Variants in LIN28B observed in about 807,000 individuals in gnomAD.
The protein encoded by LIN28B is lin-28 RNA binding posttranscriptional regulator B, also known as protein lin-28 homolog B.
A neutral mutation model predicts 21.9 loss-of-function variants in LIN28B; 5 were observed. The ratio of observed to expected loss-of-function variants is 0.23; its 90% CI spans 0.12 to 0.48. The LOEUF (loss-of-function observed/expected upper bound fraction) is 0.48. LIN28B is among the 20% of genes least tolerant of loss of function. The probability of loss-of-function intolerance (pLI) is 0.98; values close to 1 mark genes in which losing one functional copy is unlikely to be tolerated. For synonymous variants in LIN28B, 109 were observed against 111.3 expected (o/e 0.98, Z 0.13); for missense variants, 245 against 310.5 (o/e 0.79, Z 1.58).
At chr6:104,988,618 C>T (rs1417532198) in intron 2 of LIN28B, among the ~76,000 whole-genome samples, 1 of 144,450 alleles carries the variant, frequency 6.9e-6, no homozygotes, top group East Asian at 2.1e-4. Context: ...GTCACCCAGG[C>T]TGGAGTGCAA....
At chr6:105,020,483 ATTTTTTGTAT>A (rs1771116652) in intron 2 of LIN28B, among the ~76,000 whole-genome samples, 1 of 151,496 alleles carries the variant, frequency 6.6e-6, no homozygotes, top group Admixed American at 6.6e-5. Context: ...TGCCCAGCTA[ATTTTTTGTAT>A]TTTTTTGTAG....
chr6:104,990,572 T>A (rs1032612205), intron 2 of LIN28B, among the ~76,000 whole-genome samples: 51 of 150,102 alleles, frequency 3.4e-4, no homozygotes, highest in Non-Finnish European at 6.1e-4. Context: ...ATTTTTTATT[T>A]TTTTTTTTTT....
intron 2 of LIN28B, among the ~76,000 whole-genome samples, chr6:104,987,446 G>A (rs1237133426): frequency 1.3e-5 from 2 of 152,026 alleles, no homozygotes; most frequent in East Asian, 1.9e-4. Context: ...TGGGCTCAGT[G>A]GGTCCTGCCG....
intron 3 of LIN28B, among the ~76,000 whole-genome samples, chr6:105,060,685 T>C (rs1197348140): frequency 6.6e-6 from 1 of 152,194 alleles, no homozygotes; most frequent in East Asian, 1.9e-4. Flanking sequence ...GCCCAAAATA[T>C]AGTGACTTTT....
intron 3 of LIN28B, among the ~76,000 whole-genome samples, chr6:105,035,825 A>T: frequency 6.6e-6 from 1 of 152,202 alleles, no homozygotes; most frequent in East Asian, 1.9e-4. Flanking sequence ...TTTAAATTTA[A>T]ATTGGGAAAA....
intron 2 of LIN28B, among the ~76,000 whole-genome samples, chr6:105,022,642 C>T (rs969638530): frequency 1.3e-5 from 2 of 151,826 alleles, no homozygotes; most frequent in Non-Finnish European, 2.9e-5. Flanking sequence ...AGTTTTTGCA[C>T]AGAAAGGTCT....
At chr6:105,013,060 G>C (rs1250379877) in intron 2 of LIN28B, among the ~76,000 whole-genome samples, 1 of 152,060 alleles carries the variant, frequency 6.6e-6, no homozygotes, top group Non-Finnish European at 1.5e-5. Flanking sequence ...TTGTTACCCA[G>C]GCTGGGGTGC....
chr6:105,012,212 AAT>A (rs1770938409), intron 2 of LIN28B, among the ~76,000 whole-genome samples: 3 of 151,818 alleles, frequency 2.0e-5, no homozygotes, highest in Admixed American at 6.6e-5. Flanking sequence ...TCACACCTGT[AAT>A]CCCAGCACTT....
intron 2 of LIN28B, among the ~76,000 whole-genome samples, chr6:105,012,274 C>T (rs1770939633): frequency 6.6e-6 from 1 of 151,914 alleles, no homozygotes. Flanking sequence ...TCGAGACCAG[C>T]CTGACCAAAA....
intron 2 of LIN28B, among the ~76,000 whole-genome samples, chr6:105,021,327 A>G (rs1771137065): frequency 6.6e-6 from 1 of 152,082 alleles, no homozygotes. Context: ...GCTGTGCAAA[A>G]CATACAAGTG....
intron 3 of LIN28B, among the ~76,000 whole-genome samples, chr6:105,041,739 A>G (rs924434297): frequency 1.3e-5 from 2 of 152,166 alleles, no homozygotes; most frequent in South Asian, 2.1e-4. Context: ...TCAGCATCAC[A>G]TGGGATCTTG....
chr6:104,965,448 A>C (rs1214253652), intron 2 of LIN28B, among the ~76,000 whole-genome samples: 1 of 152,220 alleles, frequency 6.6e-6, no homozygotes, highest in African/African-American at 2.4e-5. Flanking sequence ...TCTTGAGCCC[A>C]GGAGACAGAG....
chr6:105,070,528 C>CTT, intron 3 of LIN28B, among the ~76,000 whole-genome samples: 1 of 149,618 alleles, frequency 6.7e-6, no homozygotes, highest in East Asian at 2.0e-4. Context: ...GGAGGGACTG[C>CTT]TTGAGCCCAG....
In LIN28B at chr6:105,082,817, T is replaced by C. The variant is rs997366428; in HGVS notation, c.*4034T>C. The C allele has an allele frequency of 6.5e-6, 1 of 152,686 alleles. No individual in the cohort carries two copies. Among genetic ancestry groups the C allele is most frequent in the Non-Finnish European group, 1.5e-5 (1 of 68,046 alleles). The allele number at this position is 152,686 out of a possible 1,614,324, so 9.5% of individuals were successfully genotyped here. On this transcript the variant is annotated 3_prime_UTR_variant, in exon 4 of 4. Coordinates refer to ENST00000345080, the MANE Select transcript of LIN28B (RefSeq NM_001004317.4). ...GTACTGTGAGAAGTATTATGATATT[T>C]AATGCATCTGTGGCTTAACACTTGT...
rs565041570 is a variant in LIN28B, at chr6:104,969,015, T to C, written c.198+10729T>C. ...TGATCCTTCCAAGTTAGTAACACTT[T>C]TCAGCAGCTCCTTTAAATAGATTAA... On this transcript the variant is annotated intron_variant, in intron 2 of 3. Coordinates refer to ENST00000345080, the MANE Select transcript of LIN28B (RefSeq NM_001004317.4). Among the ~76,000 whole-genome samples the C allele has an allele frequency of 1.4e-4, 21 of 152,316 alleles. No individual in the cohort carries two copies. In the South Asian group the frequency reaches 4.1e-3, roughly 30 times the overall value.
intron 2 of LIN28B, among the ~76,000 whole-genome samples, chr6:105,009,275 A>T (rs1770876682): frequency 1.3e-5 from 2 of 152,190 alleles, no homozygotes; most frequent in Admixed American, 1.3e-4. Context: ...AGTGCATGTT[A>T]TATGTTACAG....
chr6:104,985,976 G>A (rs908271425), intron 2 of LIN28B, among the ~76,000 whole-genome samples: 2 of 152,126 alleles, frequency 1.3e-5, no homozygotes, highest in Admixed American at 1.3e-4. Context: ...ATATGGTTTG[G>A]ATTTGTGTCC....
chr6:105,049,276 G>C (rs2114381351), intron 3 of LIN28B, among the ~76,000 whole-genome samples: 1 of 152,300 alleles, frequency 6.6e-6, no homozygotes, highest in East Asian at 1.9e-4. Flanking sequence ...AGTCGTTCAG[G>C]AGCAGGTTAT....
rs551806839 is a variant in LIN28B, at chr6:104,992,876, T to G, written c.199-33422T>G. On this transcript the variant is annotated intron_variant, in intron 2 of 3. Transcript: ENST00000345080. Reference sequence around the variant, plus strand: ...TATACTTTTACTTTTCTCAAAATTTTTTTTAGTGGTGACACTGGAGGTTAC... The same window carrying G: ...TATACTTTTACTTTTCTCAAAATTTGTTTTAGTGGTGACACTGGAGGTTAC... Among the ~76,000 whole-genome samples the G allele has an allele frequency of 7.9e-5, 12 of 152,244 alleles. No homozygotes were observed. The South Asian group carries it at 2.5e-3, about 32-fold the overall frequency.
Sources: gnomAD v4.1 joint callset for allele counts (sites outside exome capture counted in the v4.1 genomes callset) on GRCh38, gnomAD v4.1.1 for gene constraint, MANE v1.5 for transcripts, NCBI Gene and HGNC (gene_info 2026-07-23, HGNC 2026-07-21) for gene names.